The following F13A1 variants were observed in gnomAD, a reference collection of about 807,000 sequenced individuals.
The protein encoded by F13A1 is FSF, A subunit.
Under a neutral mutation model 80.1 loss-of-function variants are expected in F13A1, and 47 were observed. That is an observed-to-expected ratio of 0.59 (90% CI 0.46 to 0.75). The LOEUF (loss-of-function observed/expected upper bound fraction) is 0.75. Among genes scored for constraint, F13A1 ranks in the 30% least tolerant of loss-of-function variants. F13A1 has a pLI of 0.00. For synonymous variants in F13A1, 349 were observed against 344.9 expected (o/e 1.01, Z -0.13); for missense variants, 817 against 930.4 (o/e 0.88, Z 1.59).
intron 10 of F13A1, among the ~76,000 whole-genome samples, chr6:6,192,556 A>G (rs1283416644): frequency 6.6e-6 from 1 of 152,246 alleles, no homozygotes; most frequent in African/African-American, 2.4e-5. Context: ...GGATTATTTT[A>G]TAGCCAAGTA....
chr6:6,284,388 A>T (rs1386199657), intron 3 of F13A1, among the ~76,000 whole-genome samples: 2 of 152,226 alleles, frequency 1.3e-5, no homozygotes, highest in African/African-American at 4.8e-5. Context: ...AAGCTGTTTG[A>T]TGGAAAATGC....
chr6:6,247,596 A>C (rs762996892), intron 6 of F13A1, among the ~76,000 whole-genome samples: 1 of 152,180 alleles, frequency 6.6e-6, no homozygotes, highest in Non-Finnish European at 1.5e-5. Context: ...CCTTTCTCAG[A>C]AAGTTGTTCC....
Position 6,155,978 on chromosome 6 carries a change from C to A in F13A1, c.1909-4029G>T, listed in dbSNP as rs534141941. On this transcript the variant is annotated intron_variant, in intron 13 of 14. Transcript: ENST00000264870. ...TAAAACCTTAAATAAAGGGAGCCTTCAGGCAATTTAGAGAAGGTTAGTTCA... is the reference window on the plus strand; with the variant it reads ...TAAAACCTTAAATAAAGGGAGCCTTAAGGCAATTTAGAGAAGGTTAGTTCA... Among the ~76,000 whole-genome samples, 150 of 152,260 alleles carry A rather than the reference C, an allele frequency of 9.9e-4. No individual in the cohort carries two copies. In the Middle Eastern group the frequency reaches 0.014, roughly 14 times the overall value.
Position 6,178,655 on chromosome 6 carries a change from T to C in F13A1, c.1459+3333A>G, listed in dbSNP as rs987947469. The stretch of plus-strand genomic sequence containing the variant: ...GGGAAGAACATCAGGTGGGTGGGAA[T>C]GGAGCCCAAGGATAGATGCCTAGAA... On this transcript the variant is annotated intron_variant, in intron 11 of 14. Transcript: ENST00000264870. Among the ~76,000 whole-genome samples, 7 of 152,000 alleles carry C rather than the reference T, an allele frequency of 4.6e-5. No homozygotes were observed. The South Asian group carries it at 1.5e-3, about 32-fold the overall frequency.
At chr6:6,280,980 C>A (rs1758052485) in intron 3 of F13A1, among the ~76,000 whole-genome samples, 1 of 152,096 alleles carries the variant, frequency 6.6e-6, no homozygotes, top group Non-Finnish European at 1.5e-5. Context: ...TGCGGAGTGG[C>A]TGGAGAATCC....
At chr6:6,234,786 ATATT>A (rs1424390608) in intron 6 of F13A1, among the ~76,000 whole-genome samples, 2 of 152,046 alleles carry the variant, frequency 1.3e-5, no homozygotes, top group Non-Finnish European at 1.5e-5. Flanking sequence ...TAGTGAAGAA[ATATT>A]TATTTGAAGT....
intron 14 of F13A1, among the ~76,000 whole-genome samples, chr6:6,150,590 A>G (rs905818730): frequency 2.6e-5 from 4 of 152,214 alleles, no homozygotes; most frequent in African/African-American, 9.6e-5. Context: ...CCTTGCATTT[A>G]TCCCACAGAT....
intron 8 of F13A1, among the ~76,000 whole-genome samples, chr6:6,207,166 C>T (rs1761503782): frequency 6.6e-6 from 1 of 152,126 alleles, no homozygotes; most frequent in South Asian, 2.1e-4. Flanking sequence ...CTCACCCCAC[C>T]TCCACAGTAG....
rs35484963 is a variant in F13A1 at position 6,250,411 on chromosome 6, TA to T, written c.690+399del. ...ATTAGCAGTACCCTAGGCTAACACTTAAAAAAAAAAAAAAAGAAGCTATTTC... is the reference window on the plus strand; with the variant it reads ...ATTAGCAGTACCCTAGGCTAACACTTAAAAAAAAAAAAAAGAAGCTATTTC... On this transcript the variant is annotated intron_variant, in intron 5 of 14. Coordinates refer to ENST00000264870, the MANE Select transcript of F13A1 (RefSeq NM_000129.4). This position sits in a 1 kb window ranked among gnomAD's most constrained non-coding sequence, Gnocchi z 4.2. Among the ~76,000 whole-genome samples the T allele has an allele frequency of 0.2, 28,751 of 144,644 alleles. 2,965 individuals are homozygous for T. The highest frequency in any genetic ancestry group is 0.3 in the African/African-American group (11,835 of 40,012). 94.9% of individuals were successfully genotyped at this position (144,644 alleles called of 152,430 possible). A position where few individuals can be genotyped will look rare whatever the true frequency, so the allele number is the denominator to read the frequency against.
chr6:6,269,704 T>G (rs36053539), intron 3 of F13A1, among the ~76,000 whole-genome samples: 23,407 of 151,826 alleles, frequency 0.15, 1,990 homozygotes, highest in Non-Finnish European at 0.19. Context: ...CTGTTTTTTT[T>G]TTTGTTTGTT....
chr6:6,254,489 T>C (rs897235719), intron 4 of F13A1, among the ~76,000 whole-genome samples: 2 of 152,166 alleles, frequency 1.3e-5, no homozygotes, highest in African/African-American at 4.8e-5. Context: ...CTCCAAGATA[T>C]ACTGAGTGAG....
At chr6:6,272,696 T>C (rs901487372) in intron 3 of F13A1, among the ~76,000 whole-genome samples, 3 of 152,138 alleles carry the variant, frequency 2.0e-5, no homozygotes, top group African/African-American at 7.2e-5. Context: ...AAACCCATGG[T>C]CCTAAGATGT....
intron 3 of F13A1, among the ~76,000 whole-genome samples, chr6:6,269,841 G>A (rs1757897471): frequency 6.6e-6 from 1 of 152,008 alleles, no homozygotes. Context: ...AGCCTCCCTA[G>A]TAGCTGGGAT....
chr6:6,237,564 A>C (rs77232818), intron 6 of F13A1, among the ~76,000 whole-genome samples: 4,339 of 152,204 alleles, frequency 0.029, 196 homozygotes, highest in African/African-American at 0.095. Flanking sequence ...TCCACACTCA[A>C]ACCTCTTCTT....
At position 6,145,775 on chromosome 6, in the gene F13A1, G is replaced by GA; in HGVS notation, c.2046-4dup. ...CGGTGGAGTTGGGCCGGATTTCACT[G>GA]AAAGGATGGAAAAGAGAGGAGAGGT... On this transcript the variant is annotated splice_region_variant and splice_polypyrimidine_tract_variant and intron_variant, in intron 14 of 14. Transcript: ENST00000264870. 6.2e-7 allele frequency: 1 copy of GA among 1,614,002 alleles called. No individual in the cohort carries two copies. Among genetic ancestry groups the GA allele is most frequent in the Non-Finnish European group, 8.5e-7 (1 of 1,179,916 alleles).
intron 3 of F13A1, among the ~76,000 whole-genome samples, chr6:6,268,151 C>T (rs933887115): frequency 6.6e-6 from 1 of 152,152 alleles, no homozygotes; most frequent in African/African-American, 2.4e-5. Context: ...ATTGATATTG[C>T]CTACTATGTG....
chr6:6,220,448 T>C (rs965413313), intron 8 of F13A1, among the ~76,000 whole-genome samples: 2 of 152,144 alleles, frequency 1.3e-5, no homozygotes, highest in Non-Finnish European at 2.9e-5. Context: ...GGGTTATTTG[T>C]AGGAGTGCCT....
chr6:6,235,161 A>G (rs1360702859), intron 6 of F13A1, among the ~76,000 whole-genome samples: 2 of 152,186 alleles, frequency 1.3e-5, no homozygotes, highest in South Asian at 2.1e-4. Flanking sequence ...AGACCTAAAT[A>G]TAAAACCTAG....
chr6:6,207,714 C>T (rs12204904), intron 8 of F13A1, among the ~76,000 whole-genome samples: 12,552 of 152,176 alleles, frequency 0.082, 893 homozygotes, highest in East Asian at 0.43. Context: ...ACACACACAA[C>T]GCTACTTGGC....
Sources: allele counts gnomAD v4.1 joint callset (sites outside exome capture counted in the v4.1 genomes callset), GRCh38; gene constraint gnomAD v4.1.1; non-coding constraint Gnocchi (gnomAD v3.1); transcripts MANE v1.5; gene names NCBI Gene and HGNC (gene_info 2026-07-23, HGNC 2026-07-21).